Variants in WNK2 observed in about 807,000 individuals in gnomAD.
The protein encoded by WNK2 is serine/threonine-protein kinase WNK2.
WNK2 carries 67 observed loss-of-function variants against 192.1 expected under a neutral mutation model. The ratio of observed to expected loss-of-function variants is 0.35; its 90% CI spans 0.29 to 0.43. The LOEUF (loss-of-function observed/expected upper bound fraction) is 0.43. WNK2 is among the 20% of genes least tolerant of loss of function. WNK2 has a pLI of 1.00. For missense variants in WNK2, 2,698 were observed against 3,089.7 expected (o/e 0.87, Z 3.01); for synonymous variants, 1,439 against 1,393.9 (o/e 1.03, Z -0.72).
In WNK2 at chr9:93,299,063, C is replaced by T. The variant is rs371355335; in HGVS notation, c.5924-7C>T. Reference sequence around the variant, plus strand: ...TCGTGCCTGTCGCCTCTTCTCCCCCCGCCCAGGTCACTTGGCTGACTCCAG... The same window carrying T: ...TCGTGCCTGTCGCCTCTTCTCCCCCTGCCCAGGTCACTTGGCTGACTCCAG... On this transcript the variant is annotated splice_region_variant and splice_polypyrimidine_tract_variant and intron_variant, in intron 24 of 29. Transcript: ENST00000427277. 8.9e-5 allele frequency: 143 copies of T among 1,607,630 alleles called. No homozygotes were observed. The highest frequency in any genetic ancestry group is 4.3e-4 in the Middle Eastern group (2 of 4,598).
intron 19 of WNK2, among the ~76,000 whole-genome samples, chr9:93,274,840 A>G (rs1386678957): frequency 1.3e-5 from 2 of 152,184 alleles, no homozygotes; most frequent in Non-Finnish European, 2.9e-5. Context: ...TCTGCCAGAC[A>G]TTTAAAAGAG....
rs774920586 is a variant in WNK2 at position 93,268,816 on chromosome 9, A to G, written c.4033+70A>G. 22 of 1,581,048 alleles carry G rather than the reference A, an allele frequency of 1.4e-5. No homozygotes were observed. In the Admixed American group the frequency reaches 3.9e-4, roughly 28 times the overall value. On this transcript the variant is annotated intron_variant, in intron 19 of 29. Coordinates refer to ENST00000427277, the MANE Select transcript of WNK2 (RefSeq NM_006648.4). Reference sequence around the variant, plus strand: ...ACAGGCCTCCTTCTGTGCATGACCCAGCCGGTATGTGCCCCGTGCCCAGGT... The same window carrying G: ...ACAGGCCTCCTTCTGTGCATGACCCGGCCGGTATGTGCCCCGTGCCCAGGT...
At chr9:93,300,545 A>C (rs1851423444) in intron 26 of WNK2, among the ~76,000 whole-genome samples, 1 of 151,626 alleles carries the variant, frequency 6.6e-6, no homozygotes, top group Non-Finnish European at 1.5e-5. Flanking sequence ...GCAAATATAC[A>C]TGTCCGCTGT....
At chr9:93,255,206 C>T (rs557312004) in intron 9 of WNK2, among the ~76,000 whole-genome samples, 68 of 152,186 alleles carry the variant, frequency 4.5e-4, no homozygotes, top group Non-Finnish European at 6.3e-4. Flanking sequence ...CCTACCCCTC[C>T]GTGCCTTTCC....
intron 2 of WNK2, among the ~76,000 whole-genome samples, chr9:93,205,484 G>A (rs1833186172): frequency 6.6e-6 from 1 of 152,120 alleles, no homozygotes; most frequent in Non-Finnish European, 1.5e-5. Flanking sequence ...GCCAGCCTCT[G>A]TCATCTCCCC....
chr9:93,274,538 A>AG (rs1564146630), intron 19 of WNK2, among the ~76,000 whole-genome samples: 5 of 145,394 alleles, frequency 3.4e-5, no homozygotes, highest in African/African-American at 7.6e-5. Context: ...AAAAAAAAAA[A>AG]GAAAAAAAAC....
intron 2 of WNK2, 112 bp downstream of exon 2, chr9:93,185,722 G>C (rs1464117842): frequency 2.4e-6 from 3 of 1,274,538 alleles, no homozygotes; most frequent in African/African-American, 3.0e-5. Context: ...GGGCGGCGGG[G>C]CTCCATGTGT....
chr9:93,193,218 C>T (rs1356208078), intron 2 of WNK2, among the ~76,000 whole-genome samples: 2 of 152,168 alleles, frequency 1.3e-5, no homozygotes, highest in Non-Finnish European at 2.9e-5. Flanking sequence ...CAAAATACCC[C>T]AGGGGTAGGA....
At chr9:93,242,802 C>G (rs1399047412) in intron 7 of WNK2, among the ~76,000 whole-genome samples, 1 of 152,184 alleles carries the variant, frequency 6.6e-6, no homozygotes, top group African/African-American at 2.4e-5. Context: ...CTGGCTCTGA[C>G]CTTGCAGGGA....
At chr9:93,202,623 G>C (rs1329318424) in intron 2 of WNK2, among the ~76,000 whole-genome samples, 1 of 152,058 alleles carries the variant, frequency 6.6e-6, no homozygotes, top group South Asian at 2.1e-4. Flanking sequence ...TTTCTCTTTG[G>C]GGGAGGGAAA....
chr9:93,217,702 G>A (rs971338718), intron 2 of WNK2, among the ~76,000 whole-genome samples: 3 of 152,236 alleles, frequency 2.0e-5, no homozygotes, highest in African/African-American at 7.2e-5. Context: ...CCCCTGCCAA[G>A]CAGCCTGGTG....
At chr9:93,288,686 G>A in intron 19 of WNK2, 102 bp from the exon 20 acceptor site, 1 of 1,196,314 alleles carries the variant, frequency 8.4e-7, no homozygotes, top group Non-Finnish European at 1.2e-6. Flanking sequence ...CAGCACGCTG[G>A]GGCCATGGCC....
At chr9:93,300,289 G>A (rs1166536507) in intron 26 of WNK2, 140 bp downstream of exon 26, 3 of 653,476 alleles carry the variant, frequency 4.6e-6, no homozygotes, top group Non-Finnish European at 7.5e-6. Flanking sequence ...TAATATCAAA[G>A]TGGAACCCCA....
chr9:93,274,984 T>A (rs1304027296), intron 19 of WNK2, among the ~76,000 whole-genome samples: 3 of 152,168 alleles, frequency 2.0e-5, no homozygotes, highest in Non-Finnish European at 2.9e-5. Flanking sequence ...AAAAAGAGAA[T>A]GATAGACCAA....
chr9:93,304,383 T>G (rs950410089), intron 26 of WNK2, among the ~76,000 whole-genome samples: 3 of 152,346 alleles, frequency 2.0e-5, no homozygotes, highest in Admixed American at 2.0e-4. Context: ...GCTGCCACTT[T>G]TACATTCTGG....
intron 2 of WNK2, among the ~76,000 whole-genome samples, chr9:93,204,277 T>C (rs1261733299): frequency 2.0e-5 from 3 of 152,112 alleles, no homozygotes; most frequent in Non-Finnish European, 4.4e-5. Context: ...GCCTGGGTGC[T>C]CAACATTTCT....
rs561471325 is a variant in WNK2 at position 93,313,605 on chromosome 9, T to A, written c.6517-3915T>A. 5.0e-4 allele frequency among the ~76,000 whole-genome samples: 76 copies of A among 152,324 alleles called. 1 individual carries two copies. The highest frequency in any genetic ancestry group is 6.8e-3 in the Middle Eastern group (2 of 294). The stretch of plus-strand genomic sequence containing the variant: ...AATTTGAGGTCTAGTAATAGGTTTC[T>A]CATTATTGTTTAATTTGCCTTAGAG... On this transcript the variant is annotated intron_variant, in intron 28 of 29. Transcript: ENST00000427277.
intron 8 of WNK2, among the ~76,000 whole-genome samples, chr9:93,250,553 C>T (rs1842440896): frequency 6.6e-6 from 1 of 152,168 alleles, no homozygotes; most frequent in Non-Finnish European, 1.5e-5. Context: ...GTCTGTGTAA[C>T]AAGATTGGCA....
chr9:93,257,165 CAGT>C lies in WNK2; in HGVS notation c.2382+27_2382+29del. 1.3e-6 allele frequency: 2 copies of C among 1,593,930 alleles called. No homozygotes were observed. Among genetic ancestry groups the C allele is most frequent in the Non-Finnish European group, 1.7e-6 (2 of 1,175,440 alleles). ...GTAATTCTAGGTTGATGGCTGCCGT[CAGT>C]GGTGGCGCACGCTTTGCCAGGCCCT... On this transcript the variant is annotated intron_variant, in intron 11 of 29. Transcript: ENST00000427277. The surrounding 1 kb of genome is among the most constrained non-coding windows in gnomAD (Gnocchi z 4.7).
Sources: gnomAD v4.1 joint callset for allele counts (sites outside exome capture counted in the v4.1 genomes callset) on GRCh38, gnomAD v4.1.1 for gene constraint, Gnocchi (gnomAD v3.1) non-coding constraint, MANE v1.5 for transcripts, NCBI Gene and HGNC (gene_info 2026-07-23, HGNC 2026-07-21) for gene names.